Variants in AGO2 observed in about 807,000 individuals in gnomAD.
The protein encoded by AGO2 is argonaute RISC catalytic component 2, also known as protein argonaute-2.
Under a neutral mutation model 102.3 loss-of-function variants are expected in AGO2, and 5 were observed. The observed-to-expected ratio is 0.05, with a 90% CI of 0.03 to 0.10. The LOEUF is 0.10. Among genes scored for constraint, AGO2 ranks in the 10% least tolerant of loss-of-function variants. The probability of loss-of-function intolerance (pLI) is 1.00; values close to 1 mark genes in which losing one functional copy is unlikely to be tolerated. For missense variants in AGO2, 541 were observed against 1,183.7 expected (o/e 0.46, Z 7.97); for synonymous variants, 449 against 473.1 (o/e 0.95, Z 0.66).
At chr8:140,630,387 G>A (rs1386863370) in intron 1 of AGO2, among the ~76,000 whole-genome samples, 1 of 152,220 alleles carries the variant, frequency 6.6e-6, no homozygotes, top group African/African-American at 2.4e-5. Flanking sequence ...GCTCTATGGA[G>A]ACAGAAACTG....
intron 1 of AGO2, among the ~76,000 whole-genome samples, chr8:140,629,246 C>T (rs1277780230): frequency 6.6e-6 from 1 of 152,210 alleles, no homozygotes; most frequent in Non-Finnish European, 1.5e-5. Flanking sequence ...TGTGTGACCT[C>T]GGCTCCGGCT....
intron 1 of AGO2, among the ~76,000 whole-genome samples, chr8:140,625,230 T>C (rs1962104): frequency 0.47 from 72,082 of 152,116 alleles, 17,762 homozygotes; most frequent in Non-Finnish European, 0.56. Context: ...CTCCACCTCC[T>C]GGGTAGCTGG....
At chr8:140,551,593 G>A (rs1414416934) in intron 10 of AGO2, among the ~76,000 whole-genome samples, 157 bp from the exon 11 acceptor site, 1 of 152,196 alleles carries the variant, frequency 6.6e-6, no homozygotes, top group Non-Finnish European at 1.5e-5. Flanking sequence ...GCCTAGTGAT[G>A]CAGACAACTG....
intron 14 of AGO2, among the ~76,000 whole-genome samples, chr8:140,543,172 A>C (rs534962303): frequency 6.5e-5 from 9 of 138,118 alleles, no homozygotes; most frequent in Admixed American, 2.2e-4. Context: ...AAAAATAGAA[A>C]CAACAAAAAA....
rs576080736 is a variant in AGO2 at position 140,537,141 on chromosome 8, G to C, written c.2170-1572C>G. On this transcript the variant is annotated intron_variant, in intron 16 of 18. Coordinates refer to ENST00000220592, the MANE Select transcript of AGO2 (RefSeq NM_012154.5). ...TCTACTGTTGATTTAAAATTTAATT[G>C]TATAATGATTTAAAAAATATGGCTT... is the stretch of plus-strand genomic sequence containing the variant. Among the ~76,000 whole-genome samples, 5 of 152,152 alleles carry C rather than the reference G, an allele frequency of 3.3e-5. No individual in the cohort carries two copies. In the South Asian group the frequency reaches 1.0e-3, roughly 32 times the overall value.
intron 4 of AGO2, 93 bp from the exon 5 acceptor site, chr8:140,560,603 C>T: frequency 6.9e-7 from 1 of 1,442,764 alleles, no homozygotes; most frequent in Non-Finnish European, 9.4e-7. Flanking sequence ...GCCCACCACA[C>T]CCTCATCAGA....
At chr8:140,607,515 T>C (rs191185495) in intron 1 of AGO2, among the ~76,000 whole-genome samples, 4,848 of 18,184 alleles carry the variant, frequency 0.27, 194 homozygotes, top group Middle Eastern at 0.33. Context: ...TATATATATA[T>C]ACACACACAC....
chr8:140,600,922 G>T (rs571065818), intron 1 of AGO2, among the ~76,000 whole-genome samples: 1 of 150,970 alleles, frequency 6.6e-6, no homozygotes, highest in African/African-American at 2.4e-5. Flanking sequence ...ACAGAGTGAG[G>T]CTCCGTCTCA....
At chr8:140,619,709 G>A (rs959569943) in intron 1 of AGO2, among the ~76,000 whole-genome samples, 3 of 152,066 alleles carry the variant, frequency 2.0e-5, no homozygotes, top group Admixed American at 1.3e-4. Context: ...GGTGCGGGCC[G>A]GCAACTCTCC....
rs2073716015 is a variant in AGO2 at position 140,589,564 on chromosome 8, G to C, written c.23-4253C>G. Among the ~76,000 whole-genome samples, 1 of 152,162 alleles carries C rather than the reference G, an allele frequency of 6.6e-6. No homozygotes were observed. The highest frequency in any genetic ancestry group is 1.5e-5 in the Non-Finnish European group (1 of 68,038). On this transcript the variant is annotated intron_variant, in intron 1 of 18. Coordinates refer to ENST00000220592, the MANE Select transcript of AGO2 (RefSeq NM_012154.5). The surrounding 1 kb of genome is among the most constrained non-coding windows in gnomAD (Gnocchi z 4.2). ...AGCTGTTTCCAGAGCTCCAAAGTGA[G>C]TCATTATTCAAAGCCATGCTTCCCG...
intron 18 of AGO2, 91 bp from the exon 19 acceptor site, chr8:140,532,243 G>A (rs570502651): frequency 2.9e-5 from 41 of 1,424,862 alleles, no homozygotes; most frequent in South Asian, 2.0e-4. Context: ...ATGGCATGGC[G>A]GGAACCTGGG....
intron 17 of AGO2, among the ~76,000 whole-genome samples, chr8:140,534,257 A>G (rs1484458783): frequency 1.3e-5 from 2 of 152,204 alleles, no homozygotes; most frequent in Non-Finnish European, 2.9e-5. Context: ...TAAATAGCTC[A>G]CCAGAGAAGC....
At chr8:140,572,522 G>A in intron 3 of AGO2, 1 of 266,838 alleles carries the variant, frequency 3.7e-6, no homozygotes, top group South Asian at 7.5e-5. Flanking sequence ...GTCTGGCGGT[G>A]GTTTGTGGCT....
intron 2 of AGO2, among the ~76,000 whole-genome samples, chr8:140,575,027 C>T (rs2073442571): frequency 6.6e-6 from 1 of 152,186 alleles, no homozygotes; most frequent in Admixed American, 6.5e-5. Flanking sequence ...AGGGATCCAG[C>T]TAACCTGCCC....
chr8:140,584,584 T>C (rs2073619539), intron 2 of AGO2, among the ~76,000 whole-genome samples: 1 of 151,042 alleles, frequency 6.6e-6, no homozygotes, highest in Non-Finnish European at 1.5e-5. Context: ...AGACTGCCCA[T>C]GTGTTTAAAA....
chr8:140,605,645 C>G (rs916574188), intron 1 of AGO2, among the ~76,000 whole-genome samples: 4 of 152,204 alleles, frequency 2.6e-5, no homozygotes, highest in Admixed American at 2.6e-4. Flanking sequence ...TGGGACCCAG[C>G]TGATGAAGAC....
rs759254730 is a variant in AGO2, at chr8:140,539,492, G to A, written c.2035-38C>T. The A allele has an allele frequency of 1.9e-6, 3 of 1,586,528 alleles. No homozygotes were observed. The highest frequency in any genetic ancestry group is 2.3e-5 in the South Asian group (2 of 87,738). On this transcript the variant is annotated intron_variant, in intron 15 of 18. Coordinates refer to ENST00000220592, the MANE Select transcript of AGO2 (RefSeq NM_012154.5). This position sits in a 1 kb window ranked among gnomAD's most constrained non-coding sequence, Gnocchi z 4.7. ...GAGGGAGGAGGTTGTGCTTAAAGAT[G>A]GTAGTGCATGTGAGCAACGGTCCCA...
intron 3 of AGO2, among the ~76,000 whole-genome samples, chr8:140,564,041 C>T (rs1239931404): frequency 1.3e-5 from 2 of 152,174 alleles, no homozygotes; most frequent in African/African-American, 4.8e-5. Flanking sequence ...CACTGTTGTG[C>T]CCGATGGCCC....
intron 2 of AGO2, among the ~76,000 whole-genome samples, chr8:140,574,701 T>C (rs1395560406): frequency 1.3e-5 from 2 of 151,828 alleles, no homozygotes; most frequent in Non-Finnish European, 1.5e-5. Flanking sequence ...CAGAGGCCCA[T>C]GGGGTGCTTA....
Sources: gnomAD v4.1 joint callset for allele counts (sites outside exome capture counted in the v4.1 genomes callset) on GRCh38, gnomAD v4.1.1 for gene constraint, Gnocchi (gnomAD v3.1) non-coding constraint, MANE v1.5 for transcripts, NCBI Gene and HGNC (gene_info 2026-07-23, HGNC 2026-07-21) for gene names.